The following CLVS1 variants were observed in gnomAD, a reference collection of about 807,000 sequenced individuals.
The protein encoded by CLVS1 is clavesin-1.
In CLVS1, 10 loss-of-function variants were observed where a neutral mutation model predicts 33.1. The observed-to-expected ratio is 0.30, with a 90% CI of 0.19 to 0.51. CLVS1 has a LOEUF of 0.51. CLVS1 is among the 20% of genes least tolerant of loss of function. The pLI is 0.97. For missense variants in CLVS1, 343 were observed against 433.4 expected (o/e 0.79, Z 1.85); for synonymous variants, 163 against 166.1 (o/e 0.98, Z 0.14).
intron 2 of CLVS1, among the ~76,000 whole-genome samples, chr8:61,190,744 C>A (rs1171948451): frequency 3.3e-5 from 5 of 151,904 alleles, no homozygotes; most frequent in Admixed American, 3.3e-4. Flanking sequence ...TACTATAAAG[C>A]CCTCTATGCA....
At position 61,386,940 on chromosome 8, in the gene CLVS1, A is replaced by C. The variant is rs568157778; in HGVS notation, c.630+10161A>C. ...GAAAAAGATTGATTGAAACAATCAA[A>C]CATCAATTTCCAATAAAATTTTAAT... On this transcript the variant is annotated intron_variant, in intron 3 of 5. Coordinates refer to ENST00000325897, the MANE Select transcript of CLVS1 (RefSeq NM_173519.3). Among the ~76,000 whole-genome samples, 872 of 152,360 alleles carry C rather than the reference A, an allele frequency of 5.7e-3. 10 individuals carry two copies. Among genetic ancestry groups the C allele is most frequent in the South Asian group, 0.03 (144 of 4,830 alleles).
chr8:61,179,747 G>A (rs1438884282), intron 2 of CLVS1, among the ~76,000 whole-genome samples: 7 of 152,160 alleles, frequency 4.6e-5, no homozygotes, highest in Admixed American at 4.6e-4. Flanking sequence ...GGACTCCTGG[G>A]TGAATAATGA....
intron 2 of CLVS1, among the ~76,000 whole-genome samples, chr8:61,361,487 G>C (rs1812978537): frequency 6.6e-6 from 1 of 152,184 alleles, no homozygotes; most frequent in East Asian, 1.9e-4. Context: ...GCCTTTTAGA[G>C]ACTTACTTTT....
chr8:61,306,045 T>C (rs1256516826), intron 2 of CLVS1, among the ~76,000 whole-genome samples: 1 of 152,140 alleles, frequency 6.6e-6, no homozygotes, highest in Non-Finnish European at 1.5e-5. Context: ...TTCCTTCGGG[T>C]ATATATCCAG....
intron 2 of CLVS1, among the ~76,000 whole-genome samples, chr8:61,140,136 G>A (rs1806280252): frequency 1.3e-5 from 2 of 152,234 alleles, no homozygotes; most frequent in Non-Finnish European, 2.9e-5. Context: ...TTAGCAGGAG[G>A]CGGTCACTGT....
upstream of CLVS1, among the ~76,000 whole-genome samples, chr8:61,052,525 G>T (rs1440713461): frequency 3.2e-5 from 1 of 31,424 alleles, no homozygotes; most frequent in Non-Finnish European, 4.9e-5. Flanking sequence ...GGGAAAAGAG[G>T]ACTAGGGAGG....
chr8:61,204,593 A>C (rs1371510496), intron 2 of CLVS1, among the ~76,000 whole-genome samples: 3 of 152,126 alleles, frequency 2.0e-5, no homozygotes, highest in Non-Finnish European at 2.9e-5. Context: ...TCTGTAAATG[A>C]CATTAAGTAC....
At chr8:61,185,143 G>GCTTTTTTTTTTTTTTTTTTTTTTTTTT (rs376138569) in intron 2 of CLVS1, among the ~76,000 whole-genome samples, 1 of 143,764 alleles carries the variant, frequency 7.0e-6, no homozygotes, top group South Asian at 2.2e-4. Context: ...AGAGAGTATA[G>GCTTTTTTTTTTTTTTTTTTTTTTTTTT]TTTTTGTTTT....
Position 61,090,286 on chromosome 8 carries a change from T to A in CLVS1, c.-243+33056T>A, listed in dbSNP as rs370900204. Among the ~76,000 whole-genome samples the A allele has an allele frequency of 3.9e-5, 6 of 152,170 alleles. 1 individual carries two copies. Among genetic ancestry groups the A allele is most frequent in the East Asian group, 3.8e-4 (2 of 5,202 alleles). ...GTGTCCACAGTGCTTTATAACACAG[T>A]CAAGTCCATCCTTCAGAAGTCACGT... On this transcript the variant is annotated intron_variant, in intron 1 of 2. Transcript: ENST00000522621.
At chr8:61,318,121 T>C (rs1316853320) in intron 2 of CLVS1, among the ~76,000 whole-genome samples, 1 of 152,216 alleles carries the variant, frequency 6.6e-6, no homozygotes, top group Non-Finnish European at 1.5e-5. Flanking sequence ...TAAATTAAAA[T>C]TATTTTCCTT....
At chr8:61,157,433 A>C (rs192765489) in intron 2 of CLVS1, among the ~76,000 whole-genome samples, 1 of 152,312 alleles carries the variant, frequency 6.6e-6, no homozygotes. Flanking sequence ...AAAACGATAA[A>C]GCTACTGGAA....
chr8:61,302,662 A>G (rs1235612659), intron 2 of CLVS1, among the ~76,000 whole-genome samples: 2 of 152,214 alleles, frequency 1.3e-5, no homozygotes, highest in Non-Finnish European at 2.9e-5. Flanking sequence ...TGGATTTTGA[A>G]ATAGGAAAGT....
chr8:61,336,548 T>G (rs1310809185), intron 2 of CLVS1, among the ~76,000 whole-genome samples: 1 of 152,062 alleles, frequency 6.6e-6, no homozygotes, highest in Non-Finnish European at 1.5e-5. Flanking sequence ...TCCCTGGTAC[T>G]GGGAGGCACC....
rs189816069 is a variant in CLVS1, at chr8:61,274,435, G to T, written c.-151-25242G>T. Among the ~76,000 whole-genome samples, 94 of 152,088 alleles carry T rather than the reference G, an allele frequency of 6.2e-4. 1 individual carries two copies. Among genetic ancestry groups the T allele is most frequent in the Admixed American group, 3.1e-3 (48 of 15,296 alleles). ...ATTGATAAGGCCATTTCTCTACCCTGGTGAATCACTTAACCAAGGATGTAC... is the reference window on the plus strand; with the variant it reads ...ATTGATAAGGCCATTTCTCTACCCTTGTGAATCACTTAACCAAGGATGTAC... On this transcript the variant is annotated intron_variant, in intron 2 of 2. Transcript: ENST00000522621.
rs1331505537 is a variant in CLVS1, at chr8:61,402,377, ACTC to A, written c.630+25602_630+25604del. On this transcript the variant is annotated intron_variant, in intron 3 of 5. Coordinates refer to ENST00000325897, the MANE Select transcript of CLVS1 (RefSeq NM_173519.3). ...GACATATCTTCCTAGGGATCCTTAT[ACTC>A]CTCACCCACAATCCCCAATACCAGT... Among the ~76,000 whole-genome samples the A allele has an allele frequency of 3.3e-5, 5 of 151,810 alleles. No homozygotes were observed. In the East Asian group the frequency reaches 9.6e-4, roughly 29 times the overall value.
intron 1 of CLVS1, among the ~76,000 whole-genome samples, chr8:61,079,098 G>C (rs958261829): frequency 2.6e-5 from 4 of 152,106 alleles, no homozygotes; most frequent in African/African-American, 9.7e-5. Context: ...AAAACCGTCT[G>C]GTTTAGATTA....
At chr8:61,454,021 T>C in intron 3 of CLVS1, 120 bp from the exon 4 acceptor site, 1 of 733,478 alleles carries the variant, frequency 1.4e-6, no homozygotes, top group Non-Finnish European at 2.5e-6. Context: ...CTCCTCATCC[T>C]GAAGCTAGAG....
At chr8:61,380,400 A>G (rs1180903127) in intron 3 of CLVS1, among the ~76,000 whole-genome samples, 10 of 152,160 alleles carry the variant, frequency 6.6e-5, no homozygotes, top group Admixed American at 6.6e-4. Flanking sequence ...TTACATCAAA[A>G]TTTATCTTGT....
At chr8:61,299,188 G>A (rs907961296) in intron 1 of CLVS1, among the ~76,000 whole-genome samples, 5 of 152,110 alleles carry the variant, frequency 3.3e-5, no homozygotes, top group African/African-American at 1.2e-4. Context: ...GATGCAAATG[G>A]CTGGCTTTAA....
Sources: gnomAD v4.1 joint callset for allele counts (sites outside exome capture counted in the v4.1 genomes callset) on GRCh38, gnomAD v4.1.1 for gene constraint, MANE v1.5 for transcripts, NCBI Gene and HGNC (gene_info 2026-07-23, HGNC 2026-07-21) for gene names.